The following BRSK2 variants were observed in gnomAD, a reference collection of about 807,000 sequenced individuals.
The protein encoded by BRSK2 is serine/threonine-protein kinase BRSK2.
In BRSK2, 19 loss-of-function variants were observed where a neutral mutation model predicts 83.3. The observed-to-expected ratio is 0.23, with a 90% CI of 0.16 to 0.33. BRSK2 has a LOEUF of 0.33. BRSK2 is among the 10% of genes least tolerant of loss of function. The probability of loss-of-function intolerance (pLI) is 1.00; values close to 1 mark genes in which losing one functional copy is unlikely to be tolerated. For synonymous variants in BRSK2, 519 were observed against 435.4 expected, an observed-to-expected ratio of 1.19 and a Z score of -2.39; for missense variants, 798 against 1,042.3, an observed-to-expected ratio of 0.77 and a Z score of 3.23.
Position 1,423,951 on chromosome 11 carries a change from C to T in BRSK2, c.92-12089C>T, listed in dbSNP as rs894409959. The stretch of plus-strand genomic sequence containing the variant: ...CGTGTGTCCCCAGCCACACTTTCCT[C>T]GGCCTTTCTCTGATAGGAAGGCTGG... On this transcript the variant is annotated intron_variant, in intron 1 of 19. Transcript: ENST00000528841. This position sits in a 1 kb window ranked among gnomAD's most constrained non-coding sequence, Gnocchi z 6.5. Among the ~76,000 whole-genome samples the T allele has an allele frequency of 6.6e-5, 10 of 152,274 alleles. No individual in the cohort carries two copies. Among genetic ancestry groups the T allele is most frequent in the South Asian group, 4.1e-4 (2 of 4,824 alleles).
rs896648966 is a variant in BRSK2, at chr11:1,438,630, A to G, written c.272+239A>G. Among the ~76,000 whole-genome samples, 4 of 152,158 alleles carry G rather than the reference A, an allele frequency of 2.6e-5. No homozygotes were observed. The highest frequency in any genetic ancestry group is 9.7e-5 in the African/African-American group (4 of 41,444). ...GTCTGTGGAGGCTCGCAGAGCCACC[A>G]GCCTGAGGCTGGCAAGGGGGAACAG... On this transcript the variant is annotated intron_variant, in intron 3 of 19. Transcript: ENST00000528841. The surrounding 1 kb of genome is among the most constrained non-coding windows in gnomAD (Gnocchi z 6.4).
chr11:1,455,846 A>G (rs1846453326), intron 16 of BRSK2, among the ~76,000 whole-genome samples: 1 of 151,906 alleles, frequency 6.6e-6, no homozygotes. Flanking sequence ...CCCCCTCGGT[A>G]CTGTGAAGCC....
Position 1,462,678 on chromosome 11 carries a change from TC to T in BRSK2, c.*1957del. 1 of 152,274 alleles carries T rather than the reference TC, an allele frequency of 6.6e-6. No homozygotes were observed. The highest frequency in any genetic ancestry group is 1.9e-4 in the East Asian group (1 of 5,186). The allele number at this position is 152,274 out of a possible 1,614,324, so 9.4% of individuals were successfully genotyped here. On this transcript the variant is annotated 3_prime_UTR_variant, in exon 20 of 20. Coordinates refer to ENST00000528841, the MANE Select transcript of BRSK2 (RefSeq NM_001256627.2). ...TGCAGCTCCGGAACAATAAATCCCT[TC>T]CGCAAAGACAGCGACGCAGGTCTTC...
In BRSK2 at chr11:1,438,704, C is replaced by T. The variant is rs547503711; in HGVS notation, c.272+313C>T. ...GTTTCAGGGCAAGGGGCAGGAGCACCTGGCCCTCCCCACATGGCCACGCTG... is the reference window on the plus strand; with the variant it reads ...GTTTCAGGGCAAGGGGCAGGAGCACTTGGCCCTCCCCACATGGCCACGCTG... On this transcript the variant is annotated intron_variant, in intron 3 of 19. Transcript: ENST00000528841. This position sits in a 1 kb window ranked among gnomAD's most constrained non-coding sequence, Gnocchi z 6.4. Among the ~76,000 whole-genome samples the T allele has an allele frequency of 3.3e-5, 5 of 152,230 alleles. No individual in the cohort carries two copies. The highest frequency in any genetic ancestry group is 1.3e-4 in the Admixed American group (2 of 15,298).
intron 15 of BRSK2, among the ~76,000 whole-genome samples, chr11:1,453,524 C>T (rs1564877534): frequency 6.6e-6 from 1 of 152,208 alleles, no homozygotes; most frequent in East Asian, 1.9e-4. Flanking sequence ...AGTTTTGAAC[C>T]CAGAACAGAC....
intron 1 of BRSK2, chr11:1,411,035 C>T (rs1339934735): frequency 1.9e-6 from 2 of 1,049,712 alleles, no homozygotes; most frequent in East Asian, 6.3e-5. Flanking sequence ...TTTCTGCTCC[C>T]ATCACCATGG....
intron 14 of BRSK2, 41 bp downstream of exon 14, chr11:1,450,835 G>C: frequency 6.5e-7 from 1 of 1,535,362 alleles, no homozygotes; most frequent in Non-Finnish European, 8.7e-7. Flanking sequence ...GGCTGGGAGA[G>C]AGCAGAGGCT....
rs1425211261 is a variant in BRSK2 at position 1,423,755 on chromosome 11, G to C, written c.92-12285G>C. Among the ~76,000 whole-genome samples, 4 of 141,634 alleles carry C rather than the reference G, an allele frequency of 2.8e-5. No individual in the cohort carries two copies. The highest frequency in any genetic ancestry group is 1.4e-4 in the Admixed American group (2 of 14,438). The allele number at this position is 141,634 out of a possible 152,430, so 92.9% of individuals were successfully genotyped here. On this transcript the variant is annotated intron_variant, in intron 1 of 19. Transcript: ENST00000528841. This position sits in a 1 kb window ranked among gnomAD's most constrained non-coding sequence, Gnocchi z 6.5. ...AGGCCTCCCCCGCTGGGCGTTCCGG[G>C]TGCCCCAGGCCTCCCCCGCTGGGCG...
intron 1 of BRSK2, among the ~76,000 whole-genome samples, chr11:1,394,888 GAT>G (rs1564789396): frequency 8.2e-6 from 1 of 121,436 alleles, no homozygotes; most frequent in Non-Finnish European, 1.8e-5. Context: ...GGGTCCTGGA[GAT>G]GGGTCCTGGA....
chr11:1,415,991 C>A (rs1046095344), intron 1 of BRSK2, among the ~76,000 whole-genome samples: 5 of 152,380 alleles, frequency 3.3e-5, no homozygotes, highest in African/African-American at 4.8e-5. Flanking sequence ...AAGTCCATTG[C>A]CAGTGGGAAC....
chr11:1,450,500 C>T (rs1158362932), intron 13 of BRSK2, 87 bp from the exon 14 acceptor site: 3 of 663,608 alleles, frequency 4.5e-6, no homozygotes, highest in Non-Finnish European at 7.7e-6. Context: ...GCTGGCACCA[C>T]CCCTGGGCCC....
intron 16 of BRSK2, among the ~76,000 whole-genome samples, chr11:1,456,011 C>T (rs193166592): frequency 2.3e-4 from 35 of 152,290 alleles, no homozygotes; most frequent in African/African-American, 7.9e-4. Context: ...CCTGGACCCC[C>T]ACCTCAGGCT....
At position 1,459,389 on chromosome 11, in the gene BRSK2, C is replaced by T; in HGVS notation, c.1987+150C>T. ...CAGCCCAGATGTCCCCGGCCCCATC[C>T]TCTACCAGGAGCAGCCCAGGTCGCT... On this transcript the variant is annotated intron_variant, in intron 19 of 19. Coordinates refer to ENST00000528841, the MANE Select transcript of BRSK2 (RefSeq NM_001256627.2). The T allele has an allele frequency of 8.1e-6, 7 of 865,336 alleles. No homozygotes were observed. In the South Asian group the frequency reaches 1.1e-4, roughly 13 times the overall value. 53.6% of individuals were successfully genotyped at this position (865,336 alleles called of 1,614,324 possible).
intron 1 of BRSK2, among the ~76,000 whole-genome samples, chr11:1,422,237 C>G (rs531360054): frequency 1.3e-5 from 2 of 152,100 alleles, no homozygotes; most frequent in Admixed American, 6.5e-5. Flanking sequence ...CAGGCCTCAT[C>G]GCAGCTCACA....
At chr11:1,457,743 C>A (rs11028929) in intron 18 of BRSK2, among the ~76,000 whole-genome samples, 2 of 151,856 alleles carry the variant, frequency 1.3e-5, no homozygotes, top group African/African-American at 4.8e-5. Context: ...CCAAAGAGGG[C>A]CCCACTGCCC....
intron 1 of BRSK2, among the ~76,000 whole-genome samples, chr11:1,402,190 C>G (rs941391987): frequency 1.3e-5 from 2 of 152,234 alleles, no homozygotes; most frequent in Non-Finnish European, 2.9e-5. Context: ...TGACCTTGCG[C>G]TCTCCAGAGG....
intron 1 of BRSK2, among the ~76,000 whole-genome samples, chr11:1,400,963 G>A (rs1846437121): frequency 6.6e-6 from 1 of 152,254 alleles, no homozygotes; most frequent in Admixed American, 6.5e-5. Flanking sequence ...CCCTGCTGGT[G>A]CATGCCCAGC....
chr11:1,405,291 C>G (rs1392683599), intron 1 of BRSK2, among the ~76,000 whole-genome samples: 1 of 152,120 alleles, frequency 6.6e-6, no homozygotes, highest in African/African-American at 2.4e-5. Context: ...GCCCTGCGTG[C>G]CAGCTGGGGT....
chr11:1,402,267 C>A (rs535695042), intron 1 of BRSK2, among the ~76,000 whole-genome samples: 190 of 152,328 alleles, frequency 1.2e-3, no homozygotes, highest in Non-Finnish European at 2.5e-3. Flanking sequence ...TGATCCATGT[C>A]CCCTGGAGCG....
Sources: allele counts gnomAD v4.1 joint callset (sites outside exome capture counted in the v4.1 genomes callset), GRCh38; gene constraint gnomAD v4.1.1; non-coding constraint Gnocchi (gnomAD v3.1); transcripts MANE v1.5; gene names NCBI Gene and HGNC (gene_info 2026-07-23, HGNC 2026-07-21).